Variants in GABRA1 observed in about 807,000 individuals in gnomAD.
The protein encoded by GABRA1 is gamma-aminobutyric acid type A receptor subunit alpha1.
A neutral mutation model predicts 48.9 loss-of-function variants in GABRA1; 9 were observed. That is an observed-to-expected ratio of 0.18 (90% CI 0.11 to 0.32). The LOEUF (loss-of-function observed/expected upper bound fraction) is 0.32, where lower values mean the gene tolerates loss of function less well. Among genes scored for constraint, GABRA1 ranks in the 10% least tolerant of loss-of-function variants. The probability of loss-of-function intolerance (pLI) is 1.00; values close to 1 mark genes in which losing one functional copy is unlikely to be tolerated. For synonymous variants in GABRA1, 210 were observed against 198.7 expected, an observed-to-expected ratio of 1.06 and a Z score of -0.48; for missense variants, 285 against 553.8, an observed-to-expected ratio of 0.51 and a Z score of 4.87.
chr5:161,883,102 C>A (rs1387432460), intron 7 of GABRA1, among the ~76,000 whole-genome samples: 1 of 152,154 alleles, frequency 6.6e-6, no homozygotes, highest in Non-Finnish European at 1.5e-5. Flanking sequence ...CCTGACCCAT[C>A]AAAAGCTTTT....
rs1755428578 is a variant in GABRA1, at chr5:161,897,599, C to T, written c.*177C>T. On this transcript the variant is annotated 3_prime_UTR_variant, in exon 10 of 10. Coordinates refer to ENST00000393943, the MANE Select transcript of GABRA1 (RefSeq NM_001127644.2). The stretch of plus-strand genomic sequence containing the variant: ...GTCTGGCAGTCTGGAGCAAAGCAGA[C>T]TATGCAGCTTGGAGACAGGATTCTG... The T allele has an allele frequency of 4.7e-6, 3 of 645,058 alleles. No homozygotes were observed. Among genetic ancestry groups the T allele is most frequent in the Non-Finnish European group, 7.9e-6 (3 of 377,400 alleles). The allele number at this position is 645,058 out of a possible 1,614,324, so 40.0% of individuals were successfully genotyped here.
chr5:161,865,663 T>G, intron 3 of GABRA1, 58 bp from the exon 4 acceptor site: 1,005 of 1,317,154 alleles, frequency 7.6e-4, no homozygotes, highest in Non-Finnish European at 1.0e-3. Flanking sequence ...TATGTGGTGG[T>G]GAGATCTAAT....
intron 7 of GABRA1, among the ~76,000 whole-genome samples, chr5:161,883,592 A>T (rs1269856887): frequency 1.3e-5 from 2 of 152,146 alleles, no homozygotes; most frequent in Non-Finnish European, 2.9e-5. Context: ...GAGGGTCAAG[A>T]ATTATTTTTC....
chr5:161,859,324 C>T (rs1052906622), intron 3 of GABRA1, among the ~76,000 whole-genome samples: 2 of 151,590 alleles, frequency 1.3e-5, no homozygotes, highest in Admixed American at 6.6e-5. Context: ...TAACCTTTAG[C>T]CTAATTGTTG....
At chr5:161,879,695 T>C (rs1754527540) in intron 6 of GABRA1, among the ~76,000 whole-genome samples, 1 of 152,178 alleles carries the variant, frequency 6.6e-6, no homozygotes, top group Admixed American at 6.5e-5. Flanking sequence ...TGGAAGATTC[T>C]CATGGAGAGA....
rs541061884 is a variant in GABRA1, at chr5:161,855,095, C to G, written c.187+825C>G. Reference sequence around the variant, plus strand: ...AACCAAGGTTAGAATCCATGATTCCCAACTATAGCTGATACTGAACCTTTC... The same window carrying G: ...AACCAAGGTTAGAATCCATGATTCCGAACTATAGCTGATACTGAACCTTTC... On this transcript the variant is annotated intron_variant, in intron 3 of 9. Coordinates refer to ENST00000393943, the MANE Select transcript of GABRA1 (RefSeq NM_001127644.2). 2.6e-5 allele frequency among the ~76,000 whole-genome samples: 4 copies of G among 151,536 alleles called. No individual in the cohort carries two copies. The South Asian group carries it at 8.3e-4, about 31-fold the overall frequency.
intron 6 of GABRA1, 89 bp downstream of exon 6, chr5:161,875,731 G>T: frequency 1.0e-6 from 1 of 968,784 alleles, no homozygotes; most frequent in Admixed American, 1.7e-5. Flanking sequence ...CGTAGATAAG[G>T]GAATCAAGAA....
intron 8 of GABRA1, among the ~76,000 whole-genome samples, chr5:161,894,584 CT>C (rs1236674645): frequency 6.6e-6 from 1 of 152,192 alleles, no homozygotes; most frequent in African/African-American, 2.4e-5. Flanking sequence ...AGGATTGAGA[CT>C]AGTCACTGGA....
chr5:161,868,179 T>A (rs1168055034), intron 4 of GABRA1, among the ~76,000 whole-genome samples: 2 of 152,074 alleles, frequency 1.3e-5, no homozygotes, highest in East Asian at 1.9e-4. Flanking sequence ...TTGCTAATAA[T>A]GATGATATTA....
At chr5:161,862,814 A>G (rs1022159312) in intron 3 of GABRA1, among the ~76,000 whole-genome samples, 2 of 151,942 alleles carry the variant, frequency 1.3e-5, no homozygotes, top group African/African-American at 2.4e-5. Context: ...CATCACTCCA[A>G]TGCTATGTAG....
chr5:161,851,353 A>G (rs2113296115), intron 2 of GABRA1, among the ~76,000 whole-genome samples: 1 of 152,266 alleles, frequency 6.6e-6, no homozygotes, highest in Non-Finnish European at 1.5e-5. Flanking sequence ...ATGCATATGC[A>G]TATCACGTTT....
At chr5:161,893,833 T>C (rs1213390263) in intron 8 of GABRA1, among the ~76,000 whole-genome samples, 2 of 152,218 alleles carry the variant, frequency 1.3e-5, no homozygotes, top group Non-Finnish European at 2.9e-5. Flanking sequence ...AAAAAAAATA[T>C]ACATTGTCAG....
chr5:161,887,909 T>C (rs1221719428), intron 7 of GABRA1, among the ~76,000 whole-genome samples: 1 of 152,088 alleles, frequency 6.6e-6, no homozygotes, highest in Admixed American at 6.6e-5. Flanking sequence ...ATTGGACAAA[T>C]CGGGAAACTG....
intron 8 of GABRA1, among the ~76,000 whole-genome samples, chr5:161,894,026 C>T (rs1755244749): frequency 6.6e-6 from 1 of 152,078 alleles, no homozygotes; most frequent in African/African-American, 2.4e-5. Flanking sequence ...TGAGAACTGA[C>T]TACATAAACC....
At chr5:161,863,622 C>A (rs1426242122) in intron 3 of GABRA1, among the ~76,000 whole-genome samples, 1 of 151,984 alleles carries the variant, frequency 6.6e-6, no homozygotes, top group East Asian at 1.9e-4. Flanking sequence ...ATTAAAGGTG[C>A]ACATGAGATT....
chr5:161,855,877 C>T (rs998174887), intron 3 of GABRA1, among the ~76,000 whole-genome samples: 5 of 151,206 alleles, frequency 3.3e-5, no homozygotes, highest in Non-Finnish European at 7.4e-5. Flanking sequence ...TCTCTTCATC[C>T]TAGTTTAGAA....
intron 3 of GABRA1, among the ~76,000 whole-genome samples, chr5:161,856,213 G>A (rs183298293): frequency 6.1e-4 from 92 of 151,502 alleles, no homozygotes; most frequent in African/African-American, 2.0e-3. Context: ...ATATTGAAAA[G>A]CTAATTTTCA....
intron 8 of GABRA1, among the ~76,000 whole-genome samples, chr5:161,893,009 A>AAAAAAT (rs1554087333): frequency 3.0e-4 from 37 of 122,422 alleles, no homozygotes; most frequent in Admixed American, 1.0e-3. Flanking sequence ...CTTCTCAAAA[A>AAAAAAT]AATAATAATA....
At chr5:161,873,941 C>G (rs1754233757) in intron 5 of GABRA1, among the ~76,000 whole-genome samples, 1 of 152,014 alleles carries the variant, frequency 6.6e-6, no homozygotes, top group African/African-American at 2.4e-5. Flanking sequence ...TACCTTATGA[C>G]TGAATGAAGG....
Sources: allele counts gnomAD v4.1 joint callset (sites outside exome capture counted in the v4.1 genomes callset), GRCh38; gene constraint gnomAD v4.1.1; transcripts MANE v1.5; gene names NCBI Gene and HGNC (gene_info 2026-07-23, HGNC 2026-07-21).